SEZ6L: variants seen among roughly 807,000 people sequenced by gnomAD.
SEZ6L encodes seizure 6-like protein.
SEZ6L carries 37 observed loss-of-function variants against 106.2 expected under a neutral mutation model. The ratio of observed to expected loss-of-function variants is 0.35; its 90% confidence interval spans 0.27 to 0.46. The LOEUF (loss-of-function observed/expected upper bound fraction) is 0.46. Among genes scored for constraint, SEZ6L ranks in the 20% least tolerant of loss-of-function variants. The pLI, the probability that SEZ6L is intolerant of heterozygous loss-of-function variation, is 1.00. For synonymous variants in SEZ6L, 541 were observed against 570.4 expected (o/e 0.95, Z 0.73); for missense variants, 1,172 against 1,332.8 (o/e 0.88, Z 1.88).
chr22:26,353,420 CAAG>C (rs776041311), intron 12 of SEZ6L, among the ~76,000 whole-genome samples: 3 of 152,142 alleles, frequency 2.0e-5, no homozygotes, highest in Non-Finnish European at 4.4e-5. Flanking sequence ...GTACAAATAA[CAAG>C]AATCATTGCT....
intron 1 of SEZ6L, among the ~76,000 whole-genome samples, chr22:26,262,244 T>TTATCTATC (rs58457773): frequency 0.3 from 42,606 of 144,006 alleles, 6,652 homozygotes; most frequent in Admixed American, 0.39. Context: ...TTGATATATT[T>TTATCTATC]TATCTATCTA....
At chr22:26,369,112 C>A (rs994191549) in intron 13 of SEZ6L, among the ~76,000 whole-genome samples, 2 of 151,734 alleles carry the variant, frequency 1.3e-5, no homozygotes, top group Non-Finnish European at 2.9e-5. Context: ...AATGTGAGAA[C>A]CATTTAAGGC....
intron 1 of SEZ6L, among the ~76,000 whole-genome samples, chr22:26,270,887 A>G (rs2080343237): frequency 6.6e-6 from 1 of 152,174 alleles, no homozygotes; most frequent in Non-Finnish European, 1.5e-5. Context: ...TTGAAACTTC[A>G]TTAAAGGCAA....
At chr22:26,348,837 AAGGGGAGAGAAGGG>A (rs2146016329) in intron 11 of SEZ6L, among the ~76,000 whole-genome samples, 1 of 30,944 alleles carries the variant, frequency 3.2e-5, no homozygotes, top group Non-Finnish European at 5.6e-5. Context: ...GGGGGGAGGG[AAGGGGAGAGAAGGG>A]AGGGAGGGGA....
At position 26,296,337 on chromosome 22, in the gene SEZ6L, A is replaced by T. The variant is rs1421035402; in HGVS notation, c.970-551A>T. ...GAAATGAGGCCCCCACCCCTCACTT[A>T]CCAATTTATGCAGAAAATGGAAGAA... On this transcript the variant is annotated intron_variant, in intron 3 of 16. Transcript: ENST00000248933. Among the ~76,000 whole-genome samples the T allele has an allele frequency of 2.6e-5, 4 of 152,284 alleles. No individual in the cohort carries two copies. The Middle Eastern group carries it at 0.014, about 518-fold the overall frequency.
At chr22:26,218,680 T>C (rs975173883) in intron 1 of SEZ6L, among the ~76,000 whole-genome samples, 3 of 152,210 alleles carry the variant, frequency 2.0e-5, no homozygotes, top group African/African-American at 7.2e-5. Context: ...TGCATGCCTG[T>C]AAACCCAGCA....
rs546916701 is a variant in SEZ6L, at chr22:26,314,654, T to G, written c.2015+752T>G. Among the ~76,000 whole-genome samples the G allele has an allele frequency of 6.6e-5, 10 of 152,348 alleles. No homozygotes were observed. In the East Asian group the frequency reaches 1.9e-3, roughly 29 times the overall value. On this transcript the variant is annotated intron_variant, in intron 9 of 16. Transcript: ENST00000248933. Reference sequence around the variant, plus strand: ...TAGCTGTGCGGCTGGGTTTCCTGTATTCACAGGGGGTAACCATTAGATTCT... The same window carrying G: ...TAGCTGTGCGGCTGGGTTTCCTGTAGTCACAGGGGGTAACCATTAGATTCT...
rs780235261 is a variant in SEZ6L at position 26,351,065 on chromosome 22, C to T, written c.2421C>T (p.Thr807=). 35 of 1,613,584 alleles carry T rather than the reference C, an allele frequency of 2.2e-5. No individual in the cohort carries two copies. The highest frequency in any genetic ancestry group is 1.5e-4 in the Admixed American group (9 of 59,980). The part of the protein sequence containing the change: ...PPFCEKIMYC[T]DPGEVDHSTR... The stretch of plus-strand genomic sequence containing the variant: ...CATCCCGTGTAGTTATGTACTGCAC[C>T]GACCCCGGAGAGGTGGATCACTCGA... The change falls in exon 12 of 17, where the codon ACC becomes ACT. Residue 807 remains threonine (T), a synonymous_variant. Transcript: ENST00000248933.
intron 13 of SEZ6L, among the ~76,000 whole-genome samples, chr22:26,366,503 G>A (rs2083818131): frequency 6.6e-6 from 1 of 151,948 alleles, no homozygotes; most frequent in African/African-American, 2.4e-5. Context: ...AGACCAGCCT[G>A]GGTAACATGG....
chr22:26,307,734 G>A (rs1004522470), intron 6 of SEZ6L, among the ~76,000 whole-genome samples: 4 of 152,156 alleles, frequency 2.6e-5, no homozygotes, highest in African/African-American at 9.7e-5. Context: ...CTTGGTGAAG[G>A]ACCATTTCCA....
intron 1 of SEZ6L, among the ~76,000 whole-genome samples, chr22:26,275,860 C>T (rs915784359): frequency 3.3e-5 from 5 of 152,190 alleles, no homozygotes; most frequent in Non-Finnish European, 7.3e-5. Context: ...GACCTTTTAG[C>T]TGGAGCAGAT....
intron 1 of SEZ6L, among the ~76,000 whole-genome samples, chr22:26,173,208 A>G (rs980000484): frequency 2.6e-5 from 4 of 152,212 alleles, no homozygotes; most frequent in African/African-American, 4.8e-5. Flanking sequence ...GTGCTCAAGT[A>G]ATGTTTATTT....
intron 1 of SEZ6L, among the ~76,000 whole-genome samples, chr22:26,190,111 GAAAGAAAAGAAA>G (rs891785040): frequency 1.9e-4 from 28 of 150,276 alleles, no homozygotes; most frequent in African/African-American, 5.6e-4. Context: ...AAAAAAAGAA[GAAAGAAAAGAAA>G]AAAGAAAAGA....
intron 1 of SEZ6L, among the ~76,000 whole-genome samples, chr22:26,211,138 T>C (rs137929592): frequency 6.6e-6 from 1 of 152,336 alleles, no homozygotes; most frequent in African/African-American, 2.4e-5. Flanking sequence ...CCTAGGTCTC[T>C]CTATTTCTTG....
intron 1 of SEZ6L, among the ~76,000 whole-genome samples, chr22:26,254,899 G>A (rs2079754418): frequency 6.6e-6 from 1 of 152,106 alleles, no homozygotes; most frequent in South Asian, 2.1e-4. Flanking sequence ...TAAGGAGTGG[G>A]TGTCTCCAGG....
intron 1 of SEZ6L, among the ~76,000 whole-genome samples, chr22:26,246,629 C>T (rs1039411455): frequency 6.6e-6 from 1 of 152,128 alleles, no homozygotes; most frequent in Non-Finnish European, 1.5e-5. Flanking sequence ...CACTCGTGCT[C>T]CTCCTTACAA....
intron 5 of SEZ6L, among the ~76,000 whole-genome samples, chr22:26,301,026 T>A (rs1453431903): frequency 6.6e-6 from 1 of 152,244 alleles, no homozygotes; most frequent in Non-Finnish European, 1.5e-5. Context: ...ACTGCCATTT[T>A]TCAAGCCAAG....
intron 8 of SEZ6L, 82 bp downstream of exon 8, chr22:26,312,044 AG>A: frequency 7.4e-7 from 1 of 1,352,242 alleles, no homozygotes; most frequent in Non-Finnish European, 1.0e-6. Flanking sequence ...CCCAGCTTAG[AG>A]GCCTGTCCCC....
chr22:26,260,545 G>A (rs1390301590), intron 1 of SEZ6L, among the ~76,000 whole-genome samples: 2 of 151,764 alleles, frequency 1.3e-5, no homozygotes, highest in Admixed American at 1.3e-4. Context: ...CAATTCTTTT[G>A]GAAAGAATTG....
Sources: gnomAD v4.1 joint callset for allele counts (sites outside exome capture counted in the v4.1 genomes callset) on GRCh38, gnomAD v4.1.1 for gene constraint, MANE v1.5 for transcripts, NCBI Gene and HGNC (gene_info 2026-07-23, HGNC 2026-07-21) for gene names.